Variants in ZBTB21 observed in about 807,000 individuals in gnomAD.
The protein encoded by ZBTB21 is zinc finger and BTB domain-containing protein 21.
Under a neutral mutation model 39.8 loss-of-function variants are expected in ZBTB21, and 10 were observed. That is an observed-to-expected ratio of 0.25 (90% confidence interval 0.16 to 0.43). The LOEUF (loss-of-function observed/expected upper bound fraction) is 0.43. Among genes scored for constraint, ZBTB21 ranks in the 20% least tolerant of loss-of-function variants. The probability of loss-of-function intolerance (pLI) is 1.00; values close to 1 mark genes in which losing one functional copy is unlikely to be tolerated. For synonymous variants in ZBTB21, 551 were observed against 498.8 expected (o/e 1.10, Z -1.40); for missense variants, 1,221 against 1,296.3 (o/e 0.94, Z 0.89).
In ZBTB21 at chr21:41,993,195, G is replaced by A; in HGVS notation, c.901C>T (p.Gln301Ter). 6.2e-7 allele frequency: 1 copy of A among 1,613,102 alleles called. No individual in the cohort carries two copies. Among genetic ancestry groups the A allele is most frequent in the Non-Finnish European group, 8.5e-7 (1 of 1,180,026 alleles). Residue 301 changes from glutamine to a stop codon, truncating the protein, a stop_gained, in exon 3 of 3, where the codon CAA becomes TAA. Transcript: ENST00000310826. LOFTEE classifies it high-confidence loss of function. ...TACAACAAGTTTCTATCTTCACCTT[G>A]ACCATTTCCTTTGTTAGTTTCTTTT... ...LLKETNKGNG[Q>*]GEDRNLLYYS...
At chr21:42,007,184 C>A (rs1168333276) in intron 1 of ZBTB21, among the ~76,000 whole-genome samples, 2 of 152,210 alleles carry the variant, frequency 1.3e-5, no homozygotes, top group Non-Finnish European at 2.9e-5. Context: ...TATTTAATAT[C>A]TTTTGGCATT....
intron 1 of ZBTB21, chr21:42,009,731 C>T (rs1569118798): frequency 6.6e-6 from 1 of 152,524 alleles, no homozygotes; most frequent in African/African-American, 2.4e-5. Flanking sequence ...GGGCTAGGTC[C>T]CGGACCGTGA....
At position 41,988,106 on chromosome 21, in the gene ZBTB21, A is replaced by G. The variant is rs559326616; in HGVS notation, c.*2789T>C. ...CTAGTTTTAAAGGTGAATATTCTAC[A>G]AATCTTCAAATATTACTGTTAAAAT... On this transcript the variant is annotated 3_prime_UTR_variant, in exon 3 of 3. Coordinates refer to ENST00000310826, the MANE Select transcript of ZBTB21 (RefSeq NM_001098402.2). The G allele has an allele frequency of 6.6e-6, 1 of 152,214 alleles. No individual in the cohort carries two copies. Among genetic ancestry groups the G allele is most frequent in the Non-Finnish European group, 1.5e-5 (1 of 68,022 alleles). 9.4% of individuals were successfully genotyped at this position (152,214 alleles called of 1,614,324 possible). A position where few individuals can be genotyped will look rare whatever the true frequency, so the allele number is the denominator to read the frequency against.
intron 2 of ZBTB21, among the ~76,000 whole-genome samples, chr21:41,995,440 C>G (rs1157304223): frequency 1.3e-5 from 2 of 152,162 alleles, no homozygotes; most frequent in Non-Finnish European, 2.9e-5. Flanking sequence ...ATCTATGGAA[C>G]TTTCAACTTG....
chr21:41,994,821 C>CAT (rs10656837), intron 2 of ZBTB21, among the ~76,000 whole-genome samples: 100,763 of 151,766 alleles, frequency 0.66, 34,816 homozygotes, highest in African/African-American at 0.78. Context: ...ACAATTCCCA[C>CAT]GTCGTGGGAG....
rs1601667006 is a variant in ZBTB21, at chr21:42,010,276, C to T, written c.-103G>A. The T allele has an allele frequency of 2.5e-6, 1 of 398,556 alleles. No homozygotes were observed. The highest frequency in any genetic ancestry group is 6.3e-4 in the Middle Eastern group (1 of 1,590). 24.7% of individuals were successfully genotyped at this position (398,556 alleles called of 1,614,324 possible). A position where few individuals can be genotyped will look rare whatever the true frequency, so the allele number is the denominator to read the frequency against. On this transcript the variant is annotated 5_prime_UTR_variant, in exon 1 of 3. Coordinates refer to ENST00000310826, the MANE Select transcript of ZBTB21 (RefSeq NM_001098402.2). ...CCGGTCTTCAGTCTCGAGGCAGACG[C>T]CGGGCCCCTTTCCGCTCACACTCGG...
chr21:42,003,713 A>G (rs887328215), intron 1 of ZBTB21, among the ~76,000 whole-genome samples: 8 of 152,214 alleles, frequency 5.3e-5, no homozygotes, highest in Non-Finnish European at 1.2e-4. Context: ...AATCCCAAAC[A>G]ATCTGAAATC....
rs1367358125 is a variant in ZBTB21 at position 41,990,173 on chromosome 21, T to C, written c.*722A>G. On this transcript the variant is annotated 3_prime_UTR_variant, in exon 3 of 3. Coordinates refer to ENST00000310826, the MANE Select transcript of ZBTB21 (RefSeq NM_001098402.2). ...TATCACTACTGAAGCCCTTATAAACTGACTGTAGGGGACTTCCATAAATTG... is the reference window on the plus strand; with the variant it reads ...TATCACTACTGAAGCCCTTATAAACCGACTGTAGGGGACTTCCATAAATTG... The C allele has an allele frequency of 6.6e-6, 1 of 152,566 alleles. No individual in the cohort carries two copies. Among genetic ancestry groups the C allele is most frequent in the Non-Finnish European group, 1.5e-5 (1 of 68,036 alleles). The allele number at this position is 152,566 out of a possible 1,614,324, so 9.5% of individuals were successfully genotyped here.
At chr21:41,996,060 G>C (rs2065742296) in intron 2 of ZBTB21, among the ~76,000 whole-genome samples, 1 of 152,240 alleles carries the variant, frequency 6.6e-6, no homozygotes, top group South Asian at 2.1e-4. Context: ...CTCCATGAGG[G>C]GCAGGGCCCC....
At position 41,993,075 on chromosome 21, in the gene ZBTB21, T is replaced by C. The variant is rs2065691314; in HGVS notation, c.1021A>G (p.Arg341Gly). The C allele has an allele frequency of 6.2e-7, 1 of 1,614,250 alleles. No individual in the cohort carries two copies. The highest frequency in any genetic ancestry group is 1.3e-5 in the African/African-American group (1 of 75,060). ...TGGCTATCCATCGACAATGACCGTC[T>C]GAGGAGACTCTTAACAAGTGGGCCA... ...RSGPLVKSLL[R>G]RSLSMDSQVP... is the part of the protein sequence containing the mutation. Residue 341 changes from arginine to glycine, a missense_variant, in exon 3 of 3, where the codon AGA becomes GGA. This residue lies in a region of ZBTB21 where 500 missense variants were observed against 465.6 expected (regional missense o/e 1.07). Coordinates refer to ENST00000310826, the MANE Select transcript of ZBTB21 (RefSeq NM_001098402.2).
At chr21:42,008,595 TTTAA>T (rs1407257686) in intron 1 of ZBTB21, among the ~76,000 whole-genome samples, 1 of 151,118 alleles carries the variant, frequency 6.6e-6, no homozygotes, top group Non-Finnish European at 1.5e-5. Flanking sequence ...AAATTGTCCC[TTTAA>T]TTATCTCATT....
chr21:41,989,115 A>AT lies in ZBTB21; in HGVS notation c.*1779dup, dbSNP rs1254005150. On this transcript the variant is annotated 3_prime_UTR_variant, in exon 3 of 3. Coordinates refer to ENST00000310826, the MANE Select transcript of ZBTB21 (RefSeq NM_001098402.2). ...AAGATGGCAAGAATCAATAACTGCA[A>AT]TTTATTTTCCCTTCTCCATCAAATT... The AT allele has an allele frequency of 6.6e-6, 1 of 152,162 alleles. No individual in the cohort carries two copies. The highest frequency in any genetic ancestry group is 2.4e-5 in the African/African-American group (1 of 41,462). The allele number at this position is 152,162 out of a possible 1,614,324, so 9.4% of individuals were successfully genotyped here.
At chr21:42,003,998 T>C (rs2065847807) in intron 1 of ZBTB21, among the ~76,000 whole-genome samples, 1 of 131,400 alleles carries the variant, frequency 7.6e-6, no homozygotes, top group Non-Finnish European at 1.6e-5. Context: ...GACTCATATC[T>C]CACATCTTTT....
intron 2 of ZBTB21, among the ~76,000 whole-genome samples, chr21:41,999,062 C>T (rs1032501049): frequency 6.6e-6 from 1 of 152,056 alleles, no homozygotes; most frequent in Non-Finnish European, 1.5e-5. Context: ...AAACCCTTAC[C>T]ATCTTTTACA....
intron 1 of ZBTB21, among the ~76,000 whole-genome samples, chr21:42,008,924 C>T (rs562163981): frequency 6.6e-6 from 1 of 152,252 alleles, no homozygotes; most frequent in Admixed American, 6.5e-5. Flanking sequence ...TCCAAGTACA[C>T]GAGGAAAGCT....
At chr21:41,997,625 G>A (rs919921791) in intron 2 of ZBTB21, among the ~76,000 whole-genome samples, 3 of 151,522 alleles carry the variant, frequency 2.0e-5, no homozygotes, top group East Asian at 3.8e-4. Flanking sequence ...GATTAGAAGT[G>A]TTGAAGAATA....
chr21:41,988,891 T>C lies in ZBTB21; in HGVS notation c.*2004A>G, dbSNP rs1319712335. The C allele has an allele frequency of 6.6e-6, 1 of 152,114 alleles. No homozygotes were observed. The highest frequency in any genetic ancestry group is 6.5e-5 in the Admixed American group (1 of 15,282). The allele number at this position is 152,114 out of a possible 1,614,324, so 9.4% of individuals were successfully genotyped here. A position where few individuals can be genotyped will look rare whatever the true frequency, so the allele number is the denominator to read the frequency against. ...GTATCATGGAATTATCACCGATAGA[T>C]ACTCTAATGGCCATGTAGGTGATGA... On this transcript the variant is annotated 3_prime_UTR_variant, in exon 3 of 3. Coordinates refer to ENST00000310826, the MANE Select transcript of ZBTB21 (RefSeq NM_001098402.2).
rs781393923 is a variant in ZBTB21 at position 41,993,219 on chromosome 21, T to G, written c.877A>C (p.Lys293Gln). Residue 293 changes from lysine to glutamine, a missense_variant, in exon 3 of 3, where the codon AAA becomes CAA. Coordinates refer to ENST00000310826, the MANE Select transcript of ZBTB21 (RefSeq NM_001098402.2). ...TGACCATTTCCTTTGTTAGTTTCTT[T>G]TAATAGATAGGGAGTCTCTGATGAG... ...CSSSETPYLL[K>Q]ETNKGNGQGE... is the part of the protein sequence containing the mutation. 9 of 1,612,122 alleles carry G rather than the reference T, an allele frequency of 5.6e-6. No individual in the cohort carries two copies. The Admixed American group carries it at 1.5e-4, about 27-fold the overall frequency.
At chr21:42,008,847 A>C (rs2065917454) in intron 1 of ZBTB21, among the ~76,000 whole-genome samples, 2 of 152,252 alleles carry the variant, frequency 1.3e-5, no homozygotes, top group African/African-American at 4.8e-5. Flanking sequence ...TTTCTTTTTA[A>C]CATCAATATT....
Sources: allele counts gnomAD v4.1 joint callset (sites outside exome capture counted in the v4.1 genomes callset), GRCh38; gene constraint gnomAD v4.1.1; regional missense constraint gnomAD v4.1.1; transcripts MANE v1.5; gene names NCBI Gene and HGNC (gene_info 2026-07-23, HGNC 2026-07-21).